Variants in CADPS observed in about 807,000 individuals in gnomAD.
CADPS encodes the protein calcium dependent secretion activator.
A neutral mutation model predicts 167.3 loss-of-function variants in CADPS; 57 were observed. The observed-to-expected ratio is 0.34, with a 90% CI of 0.28 to 0.42. CADPS has a LOEUF of 0.42. Ranked by LOEUF, CADPS falls within the 20% of genes least tolerant of loss-of-function variation. CADPS has a pLI of 1.00. For synonymous variants in CADPS, 676 were observed against 635.3 expected, an observed-to-expected ratio of 1.06 and a Z score of -0.96; for missense variants, 1,414 against 1,738.1, an observed-to-expected ratio of 0.81 and a Z score of 3.32.
At chr3:62,494,588 A>G (rs2064317043) in intron 18 of CADPS, among the ~76,000 whole-genome samples, 1 of 152,132 alleles carries the variant, frequency 6.6e-6, no homozygotes, top group Admixed American at 6.6e-5. Context: ...AAAACAAAAC[A>G]AAACAAAACA....
At chr3:62,617,187 A>G (rs1237582589) in intron 6 of CADPS, among the ~76,000 whole-genome samples, 2 of 152,196 alleles carry the variant, frequency 1.3e-5, no homozygotes, top group Non-Finnish European at 2.9e-5. Context: ...AGTTTGGTAT[A>G]GTTCAAGAAA....
intron 6 of CADPS, among the ~76,000 whole-genome samples, chr3:62,642,754 A>G (rs1242331780): frequency 1.3e-5 from 2 of 152,210 alleles, no homozygotes; most frequent in African/African-American, 4.8e-5. Flanking sequence ...ACAAAAACAT[A>G]CAAAAATTAG....
chr3:62,854,658 TG>T (rs1283453740), intron 1 of CADPS, among the ~76,000 whole-genome samples: 1 of 152,212 alleles, frequency 6.6e-6, no homozygotes, highest in Non-Finnish European at 1.5e-5. Context: ...TCTGGTTGGC[TG>T]GGATTGTGTA....
In CADPS at chr3:62,478,535, T is replaced by A; in HGVS notation, c.3174-119A>T. 1.1e-6 allele frequency: 1 copy of A among 926,616 alleles called. No individual in the cohort carries two copies. The highest frequency in any genetic ancestry group is 1.6e-6 in the Non-Finnish European group (1 of 617,622). The allele number at this position is 926,616 out of a possible 1,614,324, so 57.4% of individuals were successfully genotyped here. ...AGCAGCTTCAACATACAAAACAACG[T>A]GTGTTGGCGGTGGAGGCGGGGGCGA... On this transcript the variant is annotated intron_variant, in intron 22 of 29. Transcript: ENST00000383710. This position sits in a 1 kb window ranked among gnomAD's most constrained non-coding sequence, Gnocchi z 5.7.
At chr3:62,569,899 A>T (rs1287395646) in intron 9 of CADPS, among the ~76,000 whole-genome samples, 1 of 152,206 alleles carries the variant, frequency 6.6e-6, no homozygotes, top group African/African-American at 2.4e-5. Flanking sequence ...TGCAAAAAAT[A>T]AACACCCTCC....
At position 62,875,367 on chromosome 3, in the gene CADPS, T is replaced by G. The variant is rs73844684; in HGVS notation, c.-338A>C. 5,585 of 166,202 alleles carry G rather than the reference T, an allele frequency of 0.034. 147 individuals carry two copies. The highest frequency in any genetic ancestry group is 0.073 in the East Asian group (438 of 6,026). The allele number at this position is 166,202 out of a possible 1,614,324, so 10.3% of individuals were successfully genotyped here. ...AGGCGCCTCCAGAAAAGATGCCGAG[T>G]GTTGCAAGCTGTCGATGCAGCCAAG... On this transcript the variant is annotated 5_prime_UTR_variant, in exon 1 of 30. Transcript: ENST00000383710.
At chr3:62,841,485 G>A (rs1338493703) in intron 1 of CADPS, among the ~76,000 whole-genome samples, 1 of 152,174 alleles carries the variant, frequency 6.6e-6, no homozygotes, top group Non-Finnish European at 1.5e-5. Flanking sequence ...GGAGGCTAAG[G>A]TGGGTGGATC....
intron 6 of CADPS, among the ~76,000 whole-genome samples, chr3:62,616,846 T>C (rs1387468051): frequency 6.6e-6 from 1 of 152,218 alleles, no homozygotes; most frequent in Admixed American, 6.5e-5. Flanking sequence ...ATATTGTTAT[T>C]ATGCCCCAAA....
At chr3:62,567,309 A>C (rs2080398624) in intron 9 of CADPS, among the ~76,000 whole-genome samples, 2 of 151,994 alleles carry the variant, frequency 1.3e-5, no homozygotes, top group Admixed American at 6.6e-5. Flanking sequence ...AGCACCACCC[A>C]AGGTATTGCC....
At position 62,465,680 on chromosome 3, in the gene CADPS, C is replaced by T. The variant is rs1310266048; in HGVS notation, c.3553-230G>A. ...ATGTGATTGCAAATATAGAGTGTTA[C>T]AGAAGTGCAAAGTGACAAAATATTA... On this transcript the variant is annotated intron_variant, in intron 25 of 29. Transcript: ENST00000383710. The surrounding 1 kb of genome is among the most constrained non-coding windows in gnomAD (Gnocchi z 4.1). 6.6e-6 allele frequency among the ~76,000 whole-genome samples: 1 copy of T among 152,160 alleles called. No individual in the cohort carries two copies. Among genetic ancestry groups the T allele is most frequent in the Non-Finnish European group, 1.5e-5 (1 of 68,028 alleles).
intron 10 of CADPS, among the ~76,000 whole-genome samples, chr3:62,551,473 T>G (rs780942613): frequency 3.3e-5 from 5 of 152,174 alleles, no homozygotes; most frequent in Admixed American, 3.3e-4. Context: ...TCTGCCTCCA[T>G]CCTCATTCTC....
intron 1 of CADPS, among the ~76,000 whole-genome samples, chr3:62,851,783 G>C (rs1261297834): frequency 2.0e-5 from 3 of 150,014 alleles, no homozygotes; most frequent in East Asian, 3.9e-4. Flanking sequence ...GAGTATCTTT[G>C]TGGCATTCTC....
chr3:62,712,556 A>C (rs2083603126), intron 3 of CADPS, among the ~76,000 whole-genome samples: 1 of 152,336 alleles, frequency 6.6e-6, no homozygotes, highest in East Asian at 1.9e-4. Flanking sequence ...ATGATGAATT[A>C]AAAATGAAGC....
chr3:62,649,008 T>C (rs942658268), intron 5 of CADPS, among the ~76,000 whole-genome samples: 1 of 152,184 alleles, frequency 6.6e-6, no homozygotes, highest in Admixed American at 6.5e-5. Context: ...AGTATCTCCA[T>C]CCAAACTTAG....
At chr3:62,508,311 A>G (rs1474986518) in intron 17 of CADPS, among the ~76,000 whole-genome samples, 1 of 152,120 alleles carries the variant, frequency 6.6e-6, no homozygotes, top group Non-Finnish European at 1.5e-5. Context: ...TCTTTTCTCC[A>G]GGCCTTGATT....
intron 3 of CADPS, among the ~76,000 whole-genome samples, chr3:62,748,255 A>G (rs1254805751): frequency 6.9e-6 from 1 of 144,710 alleles, no homozygotes; most frequent in Non-Finnish European, 1.5e-5. Context: ...CTGAGGCAGG[A>G]GAATGGCGTG....
intron 6 of CADPS, among the ~76,000 whole-genome samples, chr3:62,638,077 T>TTATATATATATATATATATATATATATA (rs928423543): frequency 5.4e-5 from 2 of 36,766 alleles, no homozygotes; most frequent in South Asian, 2.0e-3. Context: ...GTTTTAAGCA[T>TTATATATATATATATATATATATATATA]TATATATATA....
intron 1 of CADPS, among the ~76,000 whole-genome samples, chr3:62,869,213 A>G (rs775130698): frequency 6.6e-5 from 10 of 152,100 alleles, no homozygotes; most frequent in Non-Finnish European, 1.3e-4. Context: ...CTAAATCTGT[A>G]TATCCTTTCC....
intron 1 of CADPS, chr3:62,796,069 C>T (rs533778333): frequency 3.9e-5 from 6 of 152,322 alleles, no homozygotes; most frequent in Admixed American, 2.6e-4. Context: ...GAACCAGGAG[C>T]TATGAAGGTT....
Sources: allele counts gnomAD v4.1 joint callset (sites outside exome capture counted in the v4.1 genomes callset), GRCh38; gene constraint gnomAD v4.1.1; non-coding constraint Gnocchi (gnomAD v3.1); transcripts MANE v1.5; gene names NCBI Gene and HGNC (gene_info 2026-07-23, HGNC 2026-07-21).